Variants in TAFA2 observed in about 807,000 individuals in gnomAD.
TAFA2 encodes the protein chemokine-like protein TAFA-2.
A neutral mutation model predicts 18.8 loss-of-function variants in TAFA2; 7 were observed. The ratio of observed to expected loss-of-function variants is 0.37; its 90% CI spans 0.21 to 0.70. The LOEUF is 0.70. TAFA2 is among the 30% of genes least tolerant of loss of function. TAFA2 has a pLI of 0.53. For synonymous variants in TAFA2, 60 were observed against 54.2 expected (o/e 1.11, Z -0.47); for missense variants, 122 against 158.1 (o/e 0.77, Z 1.23).
intron 4 of TAFA2, among the ~76,000 whole-genome samples, chr12:61,742,235 TC>T (rs1868489143): frequency 1.3e-5 from 2 of 152,148 alleles, no homozygotes; most frequent in South Asian, 4.1e-4. Context: ...AACAGTGCAT[TC>T]TGTTTTAAAT....
intron 1 of TAFA2, among the ~76,000 whole-genome samples, chr12:62,067,196 T>C (rs567167246): frequency 6.6e-6 from 1 of 152,232 alleles, no homozygotes; most frequent in South Asian, 2.1e-4. Flanking sequence ...TTGAGCTATT[T>C]ATGTATTCTG....
At chr12:61,747,555 G>A (rs1868781923) in intron 4 of TAFA2, among the ~76,000 whole-genome samples, 1 of 150,646 alleles carries the variant, frequency 6.6e-6, no homozygotes, top group Non-Finnish European at 1.5e-5. Flanking sequence ...ATGAGTTCAT[G>A]TCCTTTGTAG....
chr12:61,878,455 AT>A (rs1352305878), intron 1 of TAFA2, among the ~76,000 whole-genome samples: 1 of 152,126 alleles, frequency 6.6e-6, no homozygotes, highest in Non-Finnish European at 1.5e-5. Flanking sequence ...GTATTAACCT[AT>A]TTGCTTACTT....
At chr12:61,747,191 C>T (rs926767238) in intron 4 of TAFA2, among the ~76,000 whole-genome samples, 33 of 151,766 alleles carry the variant, frequency 2.2e-4, no homozygotes, top group Admixed American at 1.9e-3. Flanking sequence ...GTTAGAATGG[C>T]GATCATTAAA....
At chr12:62,250,543 T>C (rs557202205) in intron 1 of TAFA2, among the ~76,000 whole-genome samples, 3 of 152,158 alleles carry the variant, frequency 2.0e-5, no homozygotes, top group Non-Finnish European at 4.4e-5. Flanking sequence ...ATTAAATTCA[T>C]TGTAATTTCT....
chr12:62,141,486 T>C (rs1217203233), intron 1 of TAFA2, among the ~76,000 whole-genome samples: 6 of 152,300 alleles, frequency 3.9e-5, no homozygotes, highest in African/African-American at 1.4e-4. Flanking sequence ...CTCTGTTCCC[T>C]TCTTTGAGGA....
chr12:61,941,548 C>T (rs961440108), intron 1 of TAFA2, among the ~76,000 whole-genome samples: 23 of 152,206 alleles, frequency 1.5e-4, no homozygotes, highest in Non-Finnish European at 2.9e-5. Context: ...GTACCGGGTT[C>T]ATCTCACTAG....
intron 2 of TAFA2, among the ~76,000 whole-genome samples, chr12:61,844,722 G>A (rs545710818): frequency 3.9e-5 from 6 of 152,186 alleles, no homozygotes; most frequent in South Asian, 2.1e-4. Flanking sequence ...GCTAAGATGC[G>A]TGGCTCATGA....
chr12:62,144,090 G>A (rs1273584036), intron 1 of TAFA2, among the ~76,000 whole-genome samples: 2 of 142,808 alleles, frequency 1.4e-5, no homozygotes, highest in East Asian at 2.1e-4. Context: ...ACTCTCATAC[G>A]ATGACCATAG....
intron 1 of TAFA2, among the ~76,000 whole-genome samples, chr12:62,199,563 C>T (rs1371476353): frequency 6.6e-6 from 1 of 151,814 alleles, no homozygotes; most frequent in East Asian, 1.9e-4. Context: ...AGCTACATAG[C>T]ATTCCATGGT....
chr12:61,721,286 A>G (rs1242892455), intron 4 of TAFA2, among the ~76,000 whole-genome samples: 1 of 152,224 alleles, frequency 6.6e-6, no homozygotes, highest in Non-Finnish European at 1.5e-5. Context: ...GACAGAAATC[A>G]AGACATAGTC....
chr12:61,753,822 C>A (rs575709166), intron 3 of TAFA2, 76 bp from the exon 4 acceptor site: 1 of 1,335,826 alleles, frequency 7.5e-7, no homozygotes, highest in Non-Finnish European at 1.0e-6. Flanking sequence ...TAAAGAGGAA[C>A]AAAAGCCACT....
At chr12:61,788,826 G>T (rs1301949871) in intron 2 of TAFA2, among the ~76,000 whole-genome samples, 1 of 151,630 alleles carries the variant, frequency 6.6e-6, no homozygotes, top group Non-Finnish European at 1.5e-5. Context: ...AAACTATCAA[G>T]ATTGAAACAG....
chr12:61,845,415 G>C (rs1435280175), intron 2 of TAFA2, among the ~76,000 whole-genome samples: 2 of 152,112 alleles, frequency 1.3e-5, no homozygotes, highest in African/African-American at 4.8e-5. Flanking sequence ...TCACCCCCAA[G>C]TTCTGGTCTC....
intron 1 of TAFA2, among the ~76,000 whole-genome samples, chr12:62,018,420 T>G (rs1230133020): frequency 2.6e-5 from 4 of 152,178 alleles, no homozygotes; most frequent in African/African-American, 9.6e-5. Flanking sequence ...AGACAGTATT[T>G]TTTTAATATA....
At chr12:61,986,654 T>TA (rs34219909) in intron 1 of TAFA2, among the ~76,000 whole-genome samples, 58,688 of 145,360 alleles carry the variant, frequency 0.4, 13,450 homozygotes, top group Non-Finnish European at 0.52. Context: ...GAGACTTAGT[T>TA]AAAAAAAAAA....
chr12:61,839,719 A>C (rs955376816), intron 2 of TAFA2, among the ~76,000 whole-genome samples: 1 of 152,052 alleles, frequency 6.6e-6, no homozygotes, highest in South Asian at 2.1e-4. Context: ...GACACAAAGA[A>C]CAATAACACT....
chr12:62,173,950 T>C (rs562781133), intron 1 of TAFA2, among the ~76,000 whole-genome samples: 1 of 152,128 alleles, frequency 6.6e-6, no homozygotes, highest in African/African-American at 2.4e-5. Flanking sequence ...GATTTGGAAA[T>C]TGTCAACACA....
At chr12:61,885,700 A>G (rs1875344282) in intron 1 of TAFA2, among the ~76,000 whole-genome samples, 1 of 152,218 alleles carries the variant, frequency 6.6e-6, no homozygotes, top group Non-Finnish European at 1.5e-5. Flanking sequence ...CTGGAAAACT[A>G]CATAATTGTC....
Sources: gnomAD v4.1 joint callset for allele counts (sites outside exome capture counted in the v4.1 genomes callset) on GRCh38, gnomAD v4.1.1 for gene constraint, MANE v1.5 for transcripts, NCBI Gene and HGNC (gene_info 2026-07-23, HGNC 2026-07-21) for gene names.